GCH1: variants seen among roughly 807,000 people sequenced by gnomAD.
The protein encoded by GCH1 is GTP cyclohydrolase I.
In GCH1, 5 loss-of-function variants were observed where a neutral mutation model predicts 25.9. That is an observed-to-expected ratio of 0.19 (90% CI 0.10 to 0.41). GCH1 has a LOEUF of 0.41. Among genes scored for constraint, GCH1 ranks in the 10% least tolerant of loss-of-function variants. GCH1 has a pLI of 1.00. For missense variants in GCH1, 261 were observed against 336.5 expected, an observed-to-expected ratio of 0.78 and a Z score of 1.75; for synonymous variants, 159 against 129.6, an observed-to-expected ratio of 1.23 and a Z score of -1.54.
chr14:54,894,128 C>A (rs956622227), intron 1 of GCH1, among the ~76,000 whole-genome samples: 1 of 151,940 alleles, frequency 6.6e-6, no homozygotes, highest in African/African-American at 2.4e-5. Context: ...TTGTGCCATT[C>A]GCCAAAAAAG....
intron 1 of GCH1, among the ~76,000 whole-genome samples, chr14:54,865,696 A>T (rs531039164): frequency 1.4e-4 from 22 of 152,228 alleles, no homozygotes; most frequent in Non-Finnish European, 3.2e-4. Context: ...AGGAAGGAGA[A>T]CGGAGGGAGG....
intron 1 of GCH1, among the ~76,000 whole-genome samples, chr14:54,873,717 C>G (rs2040115644): frequency 6.6e-6 from 1 of 152,260 alleles, no homozygotes; most frequent in South Asian, 2.1e-4. Context: ...CTATAAACAC[C>G]TCTATGCAAA....
intron 1 of GCH1, among the ~76,000 whole-genome samples, chr14:54,876,805 A>C (rs1395185336): frequency 3.3e-5 from 5 of 152,182 alleles, no homozygotes; most frequent in Non-Finnish European, 5.9e-5. Context: ...GAAACACTGG[A>C]AGGATAAATT....
At chr14:54,887,240 T>G (rs1260821375) in intron 1 of GCH1, among the ~76,000 whole-genome samples, 2 of 152,338 alleles carry the variant, frequency 1.3e-5, no homozygotes, top group East Asian at 3.9e-4. Flanking sequence ...GAAACAGGGC[T>G]TTTAAAAACC....
At chr14:54,889,970 A>G (rs775449140) in intron 1 of GCH1, among the ~76,000 whole-genome samples, 5 of 152,228 alleles carry the variant, frequency 3.3e-5, no homozygotes, top group Non-Finnish European at 5.9e-5. Flanking sequence ...AAGACAACAG[A>G]AAATCAATCA....
chr14:54,880,928 G>T (rs1336384507), intron 1 of GCH1, among the ~76,000 whole-genome samples: 1 of 149,188 alleles, frequency 6.7e-6, no homozygotes, highest in East Asian at 2.0e-4. Context: ...AGCTTCAAGC[G>T]ATTCTCCTGC....
At chr14:54,880,332 T>C (rs1028281005) in intron 1 of GCH1, among the ~76,000 whole-genome samples, 4 of 146,280 alleles carry the variant, frequency 2.7e-5, no homozygotes, top group Non-Finnish European at 4.5e-5. Flanking sequence ...GTCTTGTATA[T>C]GTGAGAAATT....
intron 1 of GCH1, among the ~76,000 whole-genome samples, chr14:54,882,401 A>T (rs1450361545): frequency 6.6e-6 from 1 of 152,208 alleles, no homozygotes; most frequent in African/African-American, 2.4e-5. Context: ...ATTAACTCTC[A>T]AAGTTATCCA....
chr14:54,852,589 T>C (rs145891445), intron 3 of GCH1, among the ~76,000 whole-genome samples: 5 of 152,314 alleles, frequency 3.3e-5, no homozygotes, highest in Admixed American at 3.3e-4. Flanking sequence ...GGAGAAAACA[T>C]GCAAACTCCA....
intron 1 of GCH1, among the ~76,000 whole-genome samples, chr14:54,886,608 T>C (rs919703342): frequency 6.6e-6 from 1 of 152,040 alleles, no homozygotes; most frequent in Admixed American, 6.6e-5. Context: ...TGAAACTGTC[T>C]CAAAAAACAA....
intron 1 of GCH1, chr14:54,885,911 C>CAAA: frequency 5.4e-6 from 1 of 186,772 alleles, no homozygotes; most frequent in South Asian, 9.5e-5. Context: ...ACAACAACAA[C>CAAA]AAAAAAAAAC....
chr14:54,890,341 C>T (rs1236571202), intron 1 of GCH1, among the ~76,000 whole-genome samples: 1 of 152,104 alleles, frequency 6.6e-6, no homozygotes, highest in Non-Finnish European at 1.5e-5. Context: ...CTATTAAAAA[C>T]ACAAAATTAG....
chr14:54,847,800 C>T (rs1227405787), intron 3 of GCH1, among the ~76,000 whole-genome samples: 3 of 152,030 alleles, frequency 2.0e-5, no homozygotes, highest in South Asian at 2.1e-4. Context: ...CCAACTGTGA[C>T]GTTCACTTAG....
intron 3 of GCH1, among the ~76,000 whole-genome samples, chr14:54,852,814 T>G (rs573560454): frequency 4.6e-5 from 7 of 152,290 alleles, no homozygotes; most frequent in African/African-American, 1.7e-4. Context: ...ATCTGCCCTC[T>G]TCCATCGTGT....
intron 1 of GCH1, among the ~76,000 whole-genome samples, chr14:54,883,206 TA>T (rs748146374): frequency 6.6e-6 from 1 of 150,832 alleles, no homozygotes. Context: ...ACCCCATCTC[TA>T]CTAAAAGTCC....
intron 1 of GCH1, among the ~76,000 whole-genome samples, chr14:54,883,096 G>A (rs949518922): frequency 1.3e-5 from 2 of 151,780 alleles, no homozygotes; most frequent in East Asian, 1.9e-4. Context: ...ACTGCTGGCC[G>A]GGCGCGGTGG....
intron 1 of GCH1, among the ~76,000 whole-genome samples, chr14:54,898,197 C>T (rs1260506230): frequency 1.3e-5 from 2 of 152,154 alleles, no homozygotes; most frequent in African/African-American, 4.8e-5. Context: ...CTGGGCAAAA[C>T]AGTGAGACCC....
intron 1 of GCH1, among the ~76,000 whole-genome samples, chr14:54,895,695 A>G (rs573117205): frequency 6.6e-6 from 1 of 152,378 alleles, no homozygotes; most frequent in African/African-American, 2.4e-5. Context: ...GAACTAGGAT[A>G]CAGCTAAACT....
intron 2 of GCH1, among the ~76,000 whole-genome samples, chr14:54,863,873 C>T (rs2039955005): frequency 8.4e-6 from 1 of 119,640 alleles, no homozygotes; most frequent in South Asian, 2.6e-4. Context: ...GTTTGTTTGA[C>T]AGGGTCTGGC....
Sources: gnomAD v4.1 joint callset for allele counts (sites outside exome capture counted in the v4.1 genomes callset) on GRCh38, gnomAD v4.1.1 for gene constraint, MANE v1.5 for transcripts, NCBI Gene and HGNC (gene_info 2026-07-23, HGNC 2026-07-21) for gene names.